Variants in TENM2 observed in about 807,000 individuals in gnomAD.
TENM2 encodes teneurin-2.
TENM2 carries 52 observed loss-of-function variants against 245.2 expected under a neutral mutation model. The observed-to-expected ratio is 0.21, with a 90% CI of 0.17 to 0.27. The LOEUF is 0.27. Among genes scored for constraint, TENM2 ranks in the 10% least tolerant of loss-of-function variants. TENM2 has a pLI of 1.00. For synonymous variants in TENM2, 1,363 were observed against 1,438.9 expected (o/e 0.95, Z 1.19); for missense variants, 3,046 against 3,666.8 (o/e 0.83, Z 4.37).
chr5:167,542,268 T>C (rs1772263113), intron 2 of TENM2, among the ~76,000 whole-genome samples: 1 of 152,272 alleles, frequency 6.6e-6, no homozygotes, highest in Non-Finnish European at 1.5e-5. Context: ...AGGCGCTTTG[T>C]ATTGAAGAGA....
At chr5:167,492,745 G>C (rs1768515162) in intron 2 of TENM2, among the ~76,000 whole-genome samples, 2 of 152,110 alleles carry the variant, frequency 1.3e-5, no homozygotes, top group Non-Finnish European at 2.9e-5. Context: ...ATGGTGACAT[G>C]GTGGTGGCCA....
At chr5:167,684,272 G>T (rs1756931579) in intron 2 of TENM2, among the ~76,000 whole-genome samples, 1 of 152,176 alleles carries the variant, frequency 6.6e-6, no homozygotes. Flanking sequence ...CCTGGCTCTT[G>T]GTTCTTATGT....
At chr5:167,107,498 T>C in the TENM2 span, among the ~76,000 whole-genome samples, 6 of 152,202 alleles carry the variant, frequency 3.9e-5, no homozygotes, top group African/African-American at 1.4e-4. Flanking sequence ...ATTGTATTTC[T>C]ATGATTGGTA....
At chr5:167,777,865 A>T (rs1324169347) in intron 2 of TENM2, among the ~76,000 whole-genome samples, 1 of 152,238 alleles carries the variant, frequency 6.6e-6, no homozygotes, top group African/African-American at 2.4e-5. Context: ...AAGTAACAGC[A>T]TGTGTGTGCT....
the TENM2 span, among the ~76,000 whole-genome samples, chr5:167,057,028 G>A: frequency 6.6e-6 from 1 of 151,212 alleles, no homozygotes. Flanking sequence ...TTTTCCATGT[G>A]CTGTTCTCCC....
At chr5:168,232,978 C>T (rs1765070820) in intron 25 of TENM2, among the ~76,000 whole-genome samples, 1 of 152,196 alleles carries the variant, frequency 6.6e-6, no homozygotes, top group South Asian at 2.1e-4. Context: ...AAAGAGTCCT[C>T]CCCCTCCTTC....
intron 2 of TENM2, among the ~76,000 whole-genome samples, chr5:167,463,787 C>T (rs1239649295): frequency 2.6e-5 from 4 of 152,132 alleles, no homozygotes; most frequent in East Asian, 1.9e-4. Flanking sequence ...TGAGCCACTG[C>T]GCCCAGCCGA....
chr5:168,239,187 A>G lies in TENM2; in HGVS notation c.5521-5233A>G, dbSNP rs182177486. On this transcript the variant is annotated intron_variant, in intron 25 of 28. Transcript: ENST00000518659. ...AGCATCTCGCACCCACAGCCGGGGC[A>G]CCCCCCTTTATAAATGGCACCCTCA... Among the ~76,000 whole-genome samples, 802 of 152,054 alleles carry G rather than the reference A, an allele frequency of 5.3e-3. 6 individuals are homozygous for G. Among genetic ancestry groups the G allele is most frequent in the Non-Finnish European group, 7.7e-3 (523 of 67,966 alleles).
intron 22 of TENM2, 133 bp downstream of exon 24, chr5:168,217,055 G>A (rs924248752): frequency 2.1e-6 from 2 of 957,260 alleles, no homozygotes; most frequent in Non-Finnish European, 3.2e-6. Flanking sequence ...GTTGTTTGGA[G>A]AAAGCCTGAG....
intron 2 of TENM2, among the ~76,000 whole-genome samples, chr5:167,663,144 GAGAGAGAGAGAGA>G (rs1561649943): frequency 2.4e-5 from 1 of 41,506 alleles, no homozygotes; most frequent in Non-Finnish European, 4.3e-5. Flanking sequence ...GGGATGGGGA[GAGAGAGAGAGAGA>G]GAGAGAGAGA....
At chr5:167,256,535 G>T in the TENM2 span, among the ~76,000 whole-genome samples, 1 of 152,036 alleles carries the variant, frequency 6.6e-6, no homozygotes, top group Admixed American at 6.6e-5. Context: ...ATGTAATTGG[G>T]ACTAAAACTA....
chr5:168,251,712 A>G (rs1019466790), intron 27 of TENM2, among the ~76,000 whole-genome samples: 9 of 152,262 alleles, frequency 5.9e-5, no homozygotes, highest in African/African-American at 2.2e-4. Flanking sequence ...GGTAATTAAG[A>G]TGTAGTCGGG....
intron 2 of TENM2, among the ~76,000 whole-genome samples, chr5:167,519,045 T>C (rs554004610): frequency 6.6e-6 from 1 of 152,168 alleles, no homozygotes; most frequent in Non-Finnish European, 1.5e-5. Flanking sequence ...ACCTAGTCCA[T>C]ATCCTTTCCT....
intron 12 of TENM2, among the ~76,000 whole-genome samples, chr5:168,158,850 T>TATATATACACAC (rs1339051385): frequency 1.1e-3 from 71 of 62,300 alleles, no homozygotes; most frequent in Middle Eastern, 9.3e-3. Flanking sequence ...TATATATATA[T>TATATATACACAC]ACACACACAC....
chr5:167,355,393 C>T (rs1442592595), intron 1 of TENM2, among the ~76,000 whole-genome samples: 3 of 152,160 alleles, frequency 2.0e-5, no homozygotes, highest in Middle Eastern at 3.4e-3. Context: ...GAACACACCG[C>T]GCACAAGAGA....
At chr5:167,877,901 T>A (rs531501849) in intron 3 of TENM2, among the ~76,000 whole-genome samples, 26 of 152,354 alleles carry the variant, frequency 1.7e-4, no homozygotes, top group African/African-American at 6.0e-4. Flanking sequence ...CTGCTTTTTA[T>A]TTCATACTAT....
intron 1 of TENM2, among the ~76,000 whole-genome samples, chr5:167,347,564 T>G (rs1480257888): frequency 6.6e-6 from 1 of 152,208 alleles, no homozygotes; most frequent in African/African-American, 2.4e-5. Flanking sequence ...AGGGTTGCAG[T>G]GGTGAGAGCA....
At chr5:167,024,830 T>C in the TENM2 span, among the ~76,000 whole-genome samples, 7 of 152,312 alleles carry the variant, frequency 4.6e-5, 1 homozygote, top group Admixed American at 4.6e-4. Context: ...GATTCATCTT[T>C]TTTCAACACC....
At chr5:168,160,478 A>C (rs1757649221) in intron 12 of TENM2, among the ~76,000 whole-genome samples, 1 of 152,214 alleles carries the variant, frequency 6.6e-6, no homozygotes, top group Non-Finnish European at 1.5e-5. Flanking sequence ...CAGGCTGTGC[A>C]ACAAAAGAAA....
Sources: allele counts gnomAD v4.1 joint callset (sites outside exome capture counted in the v4.1 genomes callset), GRCh38; gene constraint gnomAD v4.1.1; transcripts MANE v1.5; gene names NCBI Gene and HGNC (gene_info 2026-07-23, HGNC 2026-07-21).